The following PCDHGB7 variants were observed in gnomAD, a reference collection of about 807,000 sequenced individuals.
PCDHGB7 encodes protocadherin gamma subfamily B, 7.
PCDHGB7 carries 37 observed loss-of-function variants against 61.4 expected under a neutral mutation model. That is an observed-to-expected ratio of 0.60 (90% CI 0.46 to 0.79). The LOEUF (loss-of-function observed/expected upper bound fraction) is 0.79, where lower values mean the gene tolerates loss of function less well. PCDHGB7 is among the 30% of genes least tolerant of loss of function. The pLI is 0.00. For synonymous variants in PCDHGB7, 464 were observed against 503.5 expected (o/e 0.92, Z 1.05); for missense variants, 1,166 against 1,202.5 (o/e 0.97, Z 0.45).
chr5:141,432,940 T>C lies in PCDHGB7; in HGVS notation c.2415+12666T>C, dbSNP rs142546730. On this transcript the variant is annotated intron_variant, in intron 1 of 3. Transcript: ENST00000398594. This position sits in a 1 kb window ranked among gnomAD's most constrained non-coding sequence, Gnocchi z 6.0. ...GGCACAAGTCACGCCTGCTGCAGGC[T>C]TCAGGAGGCGGCTTGACAGGAGCGC... 6 of 1,614,208 alleles carry C rather than the reference T, an allele frequency of 3.7e-6. No individual in the cohort carries two copies. The highest frequency in any genetic ancestry group is 4.2e-6 in the Non-Finnish European group (5 of 1,180,040).
In PCDHGB7 at chr5:141,491,942, C is replaced by A; in HGVS notation, c.2416-2865C>A. The A allele has an allele frequency of 8.9e-7, 1 of 1,122,490 alleles. No individual in the cohort carries two copies. The highest frequency in any genetic ancestry group is 1.2e-6 in the Non-Finnish European group (1 of 824,374). 69.5% of individuals were successfully genotyped at this position (1,122,490 alleles called of 1,614,324 possible). The stretch of plus-strand genomic sequence containing the variant: ...GGCGAGGGGAGGTGGGACCGACCCC[C>A]ACCCCTACACTCAAAAAAGGCCGGG... On this transcript the variant is annotated intron_variant, in intron 1 of 3. Transcript: ENST00000398594. The surrounding 1 kb of genome is among the most constrained non-coding windows in gnomAD (Gnocchi z 6.9).
At chr5:141,488,859 G>A (rs1033425540) in intron 1 of PCDHGB7, among the ~76,000 whole-genome samples, 12 of 152,204 alleles carry the variant, frequency 7.9e-5, no homozygotes, top group African/African-American at 2.9e-4. Context: ...GCAGCACGAA[G>A]TGAGTGGGGA....
chr5:141,482,472 CTG>C (rs2099561247), intron 1 of PCDHGB7, among the ~76,000 whole-genome samples: 2 of 136,856 alleles, frequency 1.5e-5, no homozygotes, highest in Non-Finnish European at 3.0e-5. Context: ...GTGCCAGACA[CTG>C]TAAACAATTA....
At chr5:141,458,645 C>T (rs1162232847) in intron 1 of PCDHGB7, among the ~76,000 whole-genome samples, 2 of 152,170 alleles carry the variant, frequency 1.3e-5, no homozygotes, top group Non-Finnish European at 2.9e-5. Flanking sequence ...TCCCAGCTCA[C>T]TGCAACCTCC....
At chr5:141,430,716 G>T (rs1327065498) in intron 1 of PCDHGB7, 2 of 1,487,962 alleles carry the variant, frequency 1.3e-6, no homozygotes, top group African/African-American at 2.8e-5. Context: ...CCTGACTTCA[G>T]TGGTTAAGGG....
intron 1 of PCDHGB7, among the ~76,000 whole-genome samples, chr5:141,467,404 C>T (rs1032912609): frequency 1.3e-5 from 2 of 151,864 alleles, no homozygotes; most frequent in African/African-American, 4.8e-5. Context: ...AGTTAGAAAG[C>T]CTTTCCCCAC....
intron 3 of PCDHGB7, chr5:141,507,418 A>T (rs2099860509): frequency 6.6e-6 from 1 of 152,204 alleles, no homozygotes; most frequent in Non-Finnish European, 1.5e-5. Context: ...CTGTGAGGTT[A>T]AGTGGGGCCA....
At position 141,477,572 on chromosome 5, in the gene PCDHGB7, G is replaced by A. The variant is rs375416133; in HGVS notation, c.2416-17235G>A. The A allele has an allele frequency of 6.2e-7, 1 of 1,614,112 alleles. No homozygotes were observed. The highest frequency in any genetic ancestry group is 8.5e-7 in the Non-Finnish European group (1 of 1,180,030). On this transcript the variant is annotated intron_variant, in intron 1 of 3. Coordinates refer to ENST00000398594, the MANE Select transcript of PCDHGB7 (RefSeq NM_018927.4). This position sits in a 1 kb window ranked among gnomAD's most constrained non-coding sequence, Gnocchi z 4.9. ...AAACCTAAGTGTCTGGGACCCCGAC[G>A]CCCCGCAGAATGCTCGGCTTTCTTT...
At chr5:141,461,794 C>T (rs191966750) in intron 1 of PCDHGB7, among the ~76,000 whole-genome samples, 7 of 152,134 alleles carry the variant, frequency 4.6e-5, no homozygotes, top group African/African-American at 1.7e-4. Flanking sequence ...GCTGGGATTA[C>T]AGGTGCCCAC....
chr5:141,488,751 C>T (rs1185515068), intron 1 of PCDHGB7, among the ~76,000 whole-genome samples: 1 of 152,154 alleles, frequency 6.6e-6, no homozygotes, highest in Non-Finnish European at 1.5e-5. Context: ...CAGGAAGTTG[C>T]TGGGACAGAA....
intron 1 of PCDHGB7, among the ~76,000 whole-genome samples, chr5:141,438,835 A>T (rs1591550617): frequency 6.7e-6 from 1 of 149,784 alleles, no homozygotes; most frequent in African/African-American, 2.5e-5. Flanking sequence ...CTAATTTTTT[A>T]AAATATTTTT....
intron 1 of PCDHGB7, among the ~76,000 whole-genome samples, chr5:141,467,702 C>T (rs2099149453): frequency 6.6e-6 from 1 of 152,086 alleles, no homozygotes; most frequent in South Asian, 2.1e-4. Context: ...GGCTCTGTTG[C>T]CCAGGCTGGA....
intron 1 of PCDHGB7, among the ~76,000 whole-genome samples, chr5:141,424,979 T>G (rs565208060): frequency 1.4e-4 from 22 of 152,322 alleles, no homozygotes; most frequent in African/African-American, 4.6e-4. Flanking sequence ...CTTGGATATT[T>G]ATGTTCCCTT....
Position 141,490,583 on chromosome 5 carries a change from A to G in PCDHGB7, c.2416-4224A>G, listed in dbSNP as rs2099701693. ...ATCAGGCTCAACATTTCAGATGTCAATGACAATGCACCCCGCTTCAACCAG... is the reference window on the plus strand; with the variant it reads ...ATCAGGCTCAACATTTCAGATGTCAGTGACAATGCACCCCGCTTCAACCAG... On this transcript the variant is annotated intron_variant, in intron 1 of 3. Coordinates refer to ENST00000398594, the MANE Select transcript of PCDHGB7 (RefSeq NM_018927.4). This position sits in a 1 kb window ranked among gnomAD's most constrained non-coding sequence, Gnocchi z 5.4. 2.5e-6 allele frequency: 4 copies of G among 1,614,138 alleles called. No homozygotes were observed. Among genetic ancestry groups the G allele is most frequent in the African/African-American group, 1.3e-5 (1 of 75,032 alleles).
intron 1 of PCDHGB7, chr5:141,478,644 T>C (rs1217932733): frequency 6.4e-7 from 1 of 1,552,238 alleles, no homozygotes. Flanking sequence ...GATGAAGATG[T>C]TTTCCTGGTG....
Position 141,491,029 on chromosome 5 carries a change from G to T in PCDHGB7, c.2416-3778G>T. 1 of 1,614,172 alleles carries T rather than the reference G, an allele frequency of 6.2e-7. No homozygotes were observed. The highest frequency in any genetic ancestry group is 1.1e-5 in the South Asian group (1 of 91,088). On this transcript the variant is annotated intron_variant, in intron 1 of 3. Coordinates refer to ENST00000398594, the MANE Select transcript of PCDHGB7 (RefSeq NM_018927.4). The surrounding 1 kb of genome is among the most constrained non-coding windows in gnomAD (Gnocchi z 6.9). ...GGTCACCAAGGTGACAGCCGTGGAT[G>T]CTGATGCAGGCCACAATGCGTGGCT...
Position 141,418,730 on chromosome 5 carries a change from G to GT in PCDHGB7, c.872dup (p.Phe292ValfsTer19). On this transcript the variant is annotated frameshift_variant, in exon 1 of 4. Coordinates refer to ENST00000398594, the MANE Select transcript of PCDHGB7 (RefSeq NM_018927.4). LOFTEE classifies it high-confidence loss of function. Reference sequence around the variant, plus strand: ...TGGTGTGGCTGACAAAGCTCAGCACGTGTTCTCTCTGGATTACACTACAGG... The same window carrying GT: ...TGGTGTGGCTGACAAAGCTCAGCACGTTGTTCTCTCTGGATTACACTACAGG... The GT allele has an allele frequency of 6.2e-7, 1 of 1,613,952 alleles. No individual in the cohort carries two copies. Among genetic ancestry groups the GT allele is most frequent in the Non-Finnish European group, 8.5e-7 (1 of 1,179,850 alleles).
intron 1 of PCDHGB7, among the ~76,000 whole-genome samples, chr5:141,443,654 G>A (rs2098397947): frequency 6.6e-6 from 1 of 152,150 alleles, no homozygotes; most frequent in Non-Finnish European, 1.5e-5. Context: ...TGTTAGCATA[G>A]CATTTTACTG....
In PCDHGB7 at chr5:141,486,667, G is replaced by A; in HGVS notation, c.2416-8140G>A. On this transcript the variant is annotated intron_variant, in intron 1 of 3. Coordinates refer to ENST00000398594, the MANE Select transcript of PCDHGB7 (RefSeq NM_018927.4). The surrounding 1 kb of genome is among the most constrained non-coding windows in gnomAD (Gnocchi z 5.0). ...TCTCCTACTCACTCCTGGAGCCCAG[G>A]AATCGAGATGTATCAGCTTCCTCTT... 4 of 1,613,948 alleles carry A rather than the reference G, an allele frequency of 2.5e-6. No individual in the cohort carries two copies. Among genetic ancestry groups the A allele is most frequent in the Non-Finnish European group, 3.4e-6 (4 of 1,180,014 alleles).
Sources: gnomAD v4.1 joint callset for allele counts (sites outside exome capture counted in the v4.1 genomes callset) on GRCh38, gnomAD v4.1.1 for gene constraint, Gnocchi (gnomAD v3.1) non-coding constraint, MANE v1.5 for transcripts, NCBI Gene and HGNC (gene_info 2026-07-23, HGNC 2026-07-21) for gene names.